The following OR3A2 variants were observed in gnomAD, a reference collection of about 807,000 sequenced individuals.
The protein encoded by OR3A2 is olfactory receptor family 3 subfamily A member 2.
For missense variants in OR3A2, 318 were observed against 392.8 expected, an observed-to-expected ratio of 0.81 and a Z score of 1.61; for synonymous variants, 126 against 159.3, an observed-to-expected ratio of 0.79 and a Z score of 1.57.
At chr17:3,371,363 G>A (rs1481795840) in intron 2 of OR3A2, among the ~76,000 whole-genome samples, 12 of 149,970 alleles carry the variant, frequency 8.0e-5, no homozygotes, top group Non-Finnish European at 1.5e-4. Flanking sequence ...GCGGCTGGCC[G>A]GGCGGGGGGC....
chr17:3,300,148 T>A (rs2855669), intron 3 of OR3A2, among the ~76,000 whole-genome samples: 70,564 of 150,980 alleles, frequency 0.47, 17,899 homozygotes, highest in East Asian at 0.96. Context: ...TTTTTTTTTT[T>A]AATCTGCTTC....
chr17:3,320,704 T>A (rs556917612), intron 3 of OR3A2, among the ~76,000 whole-genome samples: 2 of 152,050 alleles, frequency 1.3e-5, no homozygotes, highest in Non-Finnish European at 2.9e-5. Context: ...GGCGGCATTA[T>A]TTCTGAGGGC....
chr17:3,330,629 T>A (rs1304387146), intron 3 of OR3A2, among the ~76,000 whole-genome samples: 1 of 151,806 alleles, frequency 6.6e-6, no homozygotes, highest in African/African-American at 2.4e-5. Context: ...ATGGGTTTCC[T>A]GAATACAGCA....
intron 2 of OR3A2, among the ~76,000 whole-genome samples, chr17:3,356,717 C>A (rs2049468391): frequency 6.6e-6 from 1 of 151,404 alleles, no homozygotes; most frequent in Non-Finnish European, 1.5e-5. Context: ...AATATTGAAA[C>A]TGAAAAATTC....
At chr17:3,350,883 G>A (rs1405709682) in intron 2 of OR3A2, among the ~76,000 whole-genome samples, 11 of 147,792 alleles carry the variant, frequency 7.4e-5, no homozygotes, top group Non-Finnish European at 1.4e-4. Flanking sequence ...TTCAATATAT[G>A]CAAATCAATA....
chr17:3,333,708 AC>A (rs2049257209), intron 3 of OR3A2, among the ~76,000 whole-genome samples: 1 of 152,212 alleles, frequency 6.6e-6, no homozygotes, highest in South Asian at 2.1e-4. Flanking sequence ...AGATTTTATG[AC>A]AAAAATGCCA....
chr17:3,326,559 T>C (rs1160719757), intron 3 of OR3A2, among the ~76,000 whole-genome samples: 1 of 110,998 alleles, frequency 9.0e-6, no homozygotes, highest in African/African-American at 4.6e-5. Context: ...TTTTTCTTCT[T>C]TTTTTTATTA....
intron 2 of OR3A2, among the ~76,000 whole-genome samples, chr17:3,350,987 T>A (rs1382190560): frequency 6.6e-6 from 1 of 151,926 alleles, no homozygotes; most frequent in Non-Finnish European, 1.5e-5. Context: ...TCAACAACCT[T>A]TCATGCTAAA....
At chr17:3,310,952 G>A (rs760402016) in intron 3 of OR3A2, 1 of 574,566 alleles carries the variant, frequency 1.7e-6, no homozygotes, top group East Asian at 5.0e-5. Context: ...TGGCCCCCTT[G>A]GTCCTCATCA....
chr17:3,382,706 C>G (rs1409370536), intron 2 of OR3A2, among the ~76,000 whole-genome samples: 1 of 152,248 alleles, frequency 6.6e-6, no homozygotes, highest in East Asian at 1.9e-4. Context: ...TTTCCCCTGC[C>G]TGAAATGCCC....
chr17:3,305,419 T>C (rs1245389240), intron 3 of OR3A2, among the ~76,000 whole-genome samples: 1 of 152,166 alleles, frequency 6.6e-6, no homozygotes, highest in African/African-American at 2.4e-5. Flanking sequence ...ATATAAAATA[T>C]AACTGAGTAA....
intron 2 of OR3A2, among the ~76,000 whole-genome samples, chr17:3,379,608 A>G (rs943456705): frequency 6.6e-6 from 1 of 152,104 alleles, no homozygotes; most frequent in Non-Finnish European, 1.5e-5. Context: ...AGCTCAGGGA[A>G]GGGCACCCGC....
At chr17:3,378,293 G>A (rs987857252) in intron 2 of OR3A2, among the ~76,000 whole-genome samples, 4 of 152,252 alleles carry the variant, frequency 2.6e-5, no homozygotes, top group East Asian at 3.9e-4. Context: ...AAAGTCTGGA[G>A]GGGGCAGAGG....
chr17:3,324,342 G>T (rs928410161), intron 3 of OR3A2, among the ~76,000 whole-genome samples: 1 of 151,964 alleles, frequency 6.6e-6, no homozygotes, highest in Non-Finnish European at 1.5e-5. Context: ...ATCGTCTGAA[G>T]CCTTCTTTTC....
intron 2 of OR3A2, among the ~76,000 whole-genome samples, chr17:3,342,053 A>G: frequency 6.6e-6 from 1 of 152,214 alleles, no homozygotes; most frequent in East Asian, 1.9e-4. Flanking sequence ...CACTTGATCA[A>G]ATCGGCTACT....
chr17:3,355,474 A>C (rs752783995), intron 2 of OR3A2, among the ~76,000 whole-genome samples: 6 of 146,276 alleles, frequency 4.1e-5, no homozygotes, highest in Admixed American at 6.9e-5. Flanking sequence ...AGCTCTAATA[A>C]TGTTTGCTTT....
intron 3 of OR3A2, among the ~76,000 whole-genome samples, chr17:3,300,754 C>T (rs2048957299): frequency 6.6e-6 from 1 of 151,668 alleles, no homozygotes; most frequent in African/African-American, 2.4e-5. Context: ...AGGTTTGTTA[C>T]ATATGTATAC....
chr17:3,298,540 T>C (rs990500835), intron 3 of OR3A2, among the ~76,000 whole-genome samples: 1 of 152,208 alleles, frequency 6.6e-6, no homozygotes, highest in Admixed American at 6.5e-5. Context: ...AGGACGGGCA[T>C]TGGCAACGTG....
At chr17:3,292,702 T>A in intron 3 of OR3A2, 1 of 839,396 alleles carries the variant, frequency 1.2e-6, no homozygotes, top group Non-Finnish European at 1.8e-6. Flanking sequence ...GTTCCCTCTG[T>A]ACAAGTAAGG....
Sources: allele counts gnomAD v4.1 joint callset (sites outside exome capture counted in the v4.1 genomes callset), GRCh38; gene constraint gnomAD v4.1.1; transcripts MANE v1.5; gene names NCBI Gene and HGNC (gene_info 2026-07-23, HGNC 2026-07-21).